Variants in TBC1D22A observed in about 807,000 individuals in gnomAD.
The protein encoded by TBC1D22A is putative GTPase activator.
Under a neutral mutation model 60.2 loss-of-function variants are expected in TBC1D22A, and 38 were observed. That is an observed-to-expected ratio of 0.63 (90% CI 0.49 to 0.83). The LOEUF (loss-of-function observed/expected upper bound fraction) is 0.83, where lower values mean the gene tolerates loss of function less well. Among genes scored for constraint, TBC1D22A ranks in the 40% least tolerant of loss-of-function variants. The probability of loss-of-function intolerance (pLI) is 0.00; values close to 1 mark genes in which losing one functional copy is unlikely to be tolerated. For synonymous variants in TBC1D22A, 302 were observed against 281.7 expected, an observed-to-expected ratio of 1.07 and a Z score of -0.72; for missense variants, 628 against 701.0, an observed-to-expected ratio of 0.90 and a Z score of 1.18.
intron 10 of TBC1D22A, among the ~76,000 whole-genome samples, chr22:47,029,418 G>T (rs1331219801): frequency 6.6e-6 from 1 of 152,238 alleles, no homozygotes; most frequent in Non-Finnish European, 1.5e-5. Context: ...GGTGACCGGG[G>T]TTTCTATTGA....
At chr22:46,916,247 C>T (rs969793006) in intron 8 of TBC1D22A, among the ~76,000 whole-genome samples, 1 of 152,190 alleles carries the variant, frequency 6.6e-6, no homozygotes, top group Admixed American at 6.5e-5. Flanking sequence ...TGTTCATCTT[C>T]AGCAGGAGGC....
intron 4 of TBC1D22A, among the ~76,000 whole-genome samples, chr22:46,854,769 C>T (rs544987549): frequency 6.6e-5 from 10 of 152,242 alleles, no homozygotes; most frequent in Non-Finnish European, 1.0e-4. Context: ...TACAGCTCCC[C>T]GTTGCTTGCA....
chr22:47,129,049 A>G (rs1023015360), intron 12 of TBC1D22A, among the ~76,000 whole-genome samples: 4 of 152,232 alleles, frequency 2.6e-5, no homozygotes, highest in Non-Finnish European at 5.9e-5. Context: ...GCCGTTTATC[A>G]TGGTGAGTGC....
chr22:47,127,254 G>C (rs540722785), intron 12 of TBC1D22A, among the ~76,000 whole-genome samples: 1 of 130,274 alleles, frequency 7.7e-6, no homozygotes, highest in Non-Finnish European at 1.6e-5. Flanking sequence ...TTGAGACAGA[G>C]TCTTGCTCTG....
chr22:46,783,384 G>A (rs778392190), intron 1 of TBC1D22A, among the ~76,000 whole-genome samples: 1 of 152,180 alleles, frequency 6.6e-6, no homozygotes, highest in East Asian at 1.9e-4. Context: ...GAGCCAGAGC[G>A]ATCTTTAAAA....
At chr22:47,116,529 G>A (rs1183798268) in intron 12 of TBC1D22A, 1 of 152,390 alleles carries the variant, frequency 6.6e-6, no homozygotes, top group Non-Finnish European at 1.5e-5. Context: ...TTGGGAGGCT[G>A]GTGCAGGCGG....
intron 10 of TBC1D22A, among the ~76,000 whole-genome samples, chr22:47,022,871 A>T (rs1319240573): frequency 2.0e-5 from 3 of 152,198 alleles, no homozygotes; most frequent in Admixed American, 1.3e-4. Context: ...CACACAATTA[A>T]TCTGTTCCCA....
intron 11 of TBC1D22A, among the ~76,000 whole-genome samples, chr22:47,090,814 G>A (rs200488759): frequency 5.8e-5 from 8 of 137,006 alleles, no homozygotes; most frequent in Admixed American, 2.2e-4. Flanking sequence ...GGAGGGGGTG[G>A]CTGCTTGTTG....
intron 11 of TBC1D22A, among the ~76,000 whole-genome samples, chr22:47,064,280 G>A (rs892579850): frequency 6.6e-6 from 1 of 152,258 alleles, no homozygotes; most frequent in East Asian, 1.9e-4. Flanking sequence ...CTCAGTTCCC[G>A]GGCAGCGGTG....
At chr22:46,836,808 CAAAAG>C (rs2086542436) in intron 4 of TBC1D22A, among the ~76,000 whole-genome samples, 1 of 152,076 alleles carries the variant, frequency 6.6e-6, no homozygotes, top group Non-Finnish European at 1.5e-5. Context: ...CCAATGATAA[CAAAAG>C]AGAGCAGGGG....
intron 11 of TBC1D22A, among the ~76,000 whole-genome samples, chr22:47,086,588 T>G (rs1481456894): frequency 6.6e-6 from 1 of 152,244 alleles, no homozygotes. Flanking sequence ...AAAAGTTTAA[T>G]AAAGTGTTCT....
chr22:46,989,754 CAG>C (rs1402893375), intron 9 of TBC1D22A, among the ~76,000 whole-genome samples: 6 of 139,974 alleles, frequency 4.3e-5, no homozygotes, highest in African/African-American at 8.5e-5. Flanking sequence ...CAAAATGTGA[CAG>C]AGTCACACAC....
intron 10 of TBC1D22A, among the ~76,000 whole-genome samples, chr22:47,024,748 G>A (rs1001756128): frequency 1.3e-5 from 2 of 152,054 alleles, no homozygotes; most frequent in South Asian, 2.1e-4. Context: ...GCCTAGCCAC[G>A]CGGGAGGCTG....
chr22:46,955,565 T>C (rs552948688), intron 8 of TBC1D22A, among the ~76,000 whole-genome samples: 1 of 152,226 alleles, frequency 6.6e-6, no homozygotes, highest in African/African-American at 2.4e-5. Flanking sequence ...TCGGGAAGAT[T>C]AATAAATTAA....
chr22:46,967,574 G>A (rs535572285), intron 8 of TBC1D22A, among the ~76,000 whole-genome samples: 10 of 152,350 alleles, frequency 6.6e-5, no homozygotes, highest in African/African-American at 1.4e-4. Context: ...CCCCGTCGGG[G>A]CTGGCTCTTA....
intron 12 of TBC1D22A, among the ~76,000 whole-genome samples, chr22:47,162,554 C>G (rs2068029387): frequency 1.3e-5 from 2 of 152,194 alleles, no homozygotes; most frequent in African/African-American, 4.8e-5. Flanking sequence ...CACAGATGAG[C>G]ACCTTTCTAT....
intron 11 of TBC1D22A, among the ~76,000 whole-genome samples, chr22:47,061,382 C>G (rs147268859): frequency 1.3e-5 from 2 of 152,202 alleles, no homozygotes; most frequent in Non-Finnish European, 2.9e-5. Flanking sequence ...TCTCCTCTGC[C>G]TTGGTCGTGG....
At chr22:47,033,032 A>G (rs2062533671) in intron 10 of TBC1D22A, among the ~76,000 whole-genome samples, 2 of 152,036 alleles carry the variant, frequency 1.3e-5, no homozygotes, top group East Asian at 1.9e-4. Flanking sequence ...CTGCTCCTTC[A>G]TGGAAGCTCA....
intron 11 of TBC1D22A, among the ~76,000 whole-genome samples, chr22:47,092,135 G>C (rs2065001804): frequency 6.6e-6 from 1 of 152,166 alleles, no homozygotes; most frequent in Non-Finnish European, 1.5e-5. Context: ...AAGAACAGAA[G>C]AGGGCACGCT....
Sources: gnomAD v4.1 joint callset for allele counts (sites outside exome capture counted in the v4.1 genomes callset) on GRCh38, gnomAD v4.1.1 for gene constraint, MANE v1.5 for transcripts, NCBI Gene and HGNC (gene_info 2026-07-23, HGNC 2026-07-21) for gene names.